Variants in VAPB observed in about 807,000 individuals in gnomAD.
VAPB encodes vesicle-associated membrane protein-associated protein B/C.
A neutral mutation model predicts 25.6 loss-of-function variants in VAPB; 7 were observed. The ratio of observed to expected loss-of-function variants is 0.27; its 90% CI spans 0.16 to 0.51. VAPB has a LOEUF of 0.51. Among genes scored for constraint, VAPB ranks in the 20% least tolerant of loss-of-function variants. The pLI is 0.97. For synonymous variants in VAPB, 112 were observed against 109.2 expected, an observed-to-expected ratio of 1.03 and a Z score of -0.16; for missense variants, 266 against 301.3, an observed-to-expected ratio of 0.88 and a Z score of 0.87.
At chr20:58,404,150 C>G (rs760842241) in intron 1 of VAPB, among the ~76,000 whole-genome samples, 2 of 152,090 alleles carry the variant, frequency 1.3e-5, no homozygotes, top group Non-Finnish European at 2.9e-5. Context: ...AGATATTTTT[C>G]TAAAAATTGA....
At chr20:58,438,830 T>C in intron 3 of VAPB, 115 bp from the exon 4 acceptor site, 1 of 820,690 alleles carries the variant, frequency 1.2e-6, no homozygotes, top group Non-Finnish European at 2.0e-6. Flanking sequence ...CTTTATTTGA[T>C]ATACATCAGG....
Position 58,444,063 on chromosome 20 carries a change from G to C in VAPB, c.574-14G>C. ...GCCTTGGCTTGTCTTTGAAATGTGC[G>C]TTTGCTCCCGTAGGAAGAAGATGGA... is the stretch of plus-strand genomic sequence containing the variant. On this transcript the variant is annotated splice_polypyrimidine_tract_variant and intron_variant, in intron 5 of 5. Coordinates refer to ENST00000475243, the MANE Select transcript of VAPB (RefSeq NM_004738.5). 1 of 1,614,164 alleles carries C rather than the reference G, an allele frequency of 6.2e-7. No individual in the cohort carries two copies. The highest frequency in any genetic ancestry group is 8.5e-7 in the Non-Finnish European group (1 of 1,180,030).
At chr20:58,413,490 C>T (rs1403529108) in intron 1 of VAPB, among the ~76,000 whole-genome samples, 2 of 152,188 alleles carry the variant, frequency 1.3e-5, no homozygotes, top group Non-Finnish European at 2.9e-5. Context: ...AACAGGATCC[C>T]AAGGCAGAAG....
chr20:58,397,144 G>A (rs920742021), intron 1 of VAPB, among the ~76,000 whole-genome samples: 1 of 152,222 alleles, frequency 6.6e-6, no homozygotes, highest in African/African-American at 2.4e-5. Context: ...AGTTCAGACA[G>A]ATGACTCCAA....
Position 58,450,569 on chromosome 20 carries a change from T to C in VAPB, c.*6334T>C. 1 of 454,136 alleles carries C rather than the reference T, an allele frequency of 2.2e-6. No homozygotes were observed. The highest frequency in any genetic ancestry group is 4.4e-6 in the Non-Finnish European group (1 of 226,792). The allele number at this position is 454,136 out of a possible 1,614,324, so 28.1% of individuals were successfully genotyped here. ...ACTTCCTATAAGAAACTAAAAATGA[T>C]CTATTTCAGTGTTCCTTTCGCCTTT... On this transcript the variant is annotated 3_prime_UTR_variant, in exon 6 of 6. Transcript: ENST00000475243.
chr20:58,393,471 A>C (rs1411673552), intron 1 of VAPB, among the ~76,000 whole-genome samples: 1 of 152,124 alleles, frequency 6.6e-6, no homozygotes, highest in African/African-American at 2.4e-5. Context: ...CTGAGATCCC[A>C]CTTGTTGTCC....
Position 58,447,666 on chromosome 20 carries a change from GTGTGCA to G in VAPB, c.*3436_*3441del. On this transcript the variant is annotated 3_prime_UTR_variant, in exon 6 of 6. Transcript: ENST00000475243. Reference sequence around the variant, plus strand: ...AAACAGACTCTGTGTGTGTGTGCATGTGTGCATGTGTGCATGTGTGGCATATGTGCC... The same window carrying G: ...AAACAGACTCTGTGTGTGTGTGCATGTGTGTGCATGTGTGGCATATGTGCC... The G allele has an allele frequency of 4.6e-6, 2 of 431,966 alleles. No homozygotes were observed. Among genetic ancestry groups the G allele is most frequent in the Non-Finnish European group, 9.3e-6 (2 of 214,828 alleles). 26.8% of individuals were successfully genotyped at this position (431,966 alleles called of 1,614,324 possible).
chr20:58,415,084 C>T (rs1036055024), intron 1 of VAPB, among the ~76,000 whole-genome samples: 2 of 150,338 alleles, frequency 1.3e-5, no homozygotes, highest in African/African-American at 4.9e-5. Context: ...CGTGGCGGCG[C>T]GAGCCTGCAA....
chr20:58,422,851 C>G (rs1250921065), intron 2 of VAPB, among the ~76,000 whole-genome samples: 1 of 152,026 alleles, frequency 6.6e-6, no homozygotes, highest in Non-Finnish European at 1.5e-5. Context: ...GCCTGTGTCC[C>G]AAGCAAATTA....
chr20:58,419,794 C>T (rs1425402329), intron 2 of VAPB, among the ~76,000 whole-genome samples: 3 of 152,116 alleles, frequency 2.0e-5, no homozygotes, highest in African/African-American at 7.2e-5. Flanking sequence ...TACTTTCCCC[C>T]CCTCGATTTC....
At chr20:58,413,722 C>G (rs1988441834) in intron 1 of VAPB, among the ~76,000 whole-genome samples, 1 of 151,842 alleles carries the variant, frequency 6.6e-6, no homozygotes. Context: ...GTAGGGGCGG[C>G]CGGGCAGAGG....
chr20:58,410,051 T>TA lies in VAPB; in HGVS notation c.59-8152dup, dbSNP rs774996433. Among the ~76,000 whole-genome samples the TA allele has an allele frequency of 5.8e-3, 882 of 151,966 alleles. 4 individuals carry two copies. Among genetic ancestry groups the TA allele is most frequent in the Middle Eastern group, 0.027 (8 of 294 alleles). ...AAATGCTTTTTCCCCTTCCTTTTTTTAAAAAAAATATAGTTTAGAACAGTT... is the reference window on the plus strand; with the variant it reads ...AAATGCTTTTTCCCCTTCCTTTTTTTAAAAAAAAATATAGTTTAGAACAGTT... On this transcript the variant is annotated intron_variant, in intron 1 of 5. Transcript: ENST00000475243.
At chr20:58,396,294 C>T (rs1178661640) in intron 1 of VAPB, among the ~76,000 whole-genome samples, 1 of 152,190 alleles carries the variant, frequency 6.6e-6, no homozygotes, top group East Asian at 1.9e-4. Flanking sequence ...ATGCCCACCT[C>T]GTGTTGTGTA....
intron 1 of VAPB, among the ~76,000 whole-genome samples, chr20:58,392,181 G>A (rs1031272121): frequency 2.6e-5 from 4 of 152,172 alleles, no homozygotes; most frequent in African/African-American, 4.8e-5. Flanking sequence ...GATGATGCTC[G>A]TGTCCACGTT....
intron 2 of VAPB, among the ~76,000 whole-genome samples, chr20:58,430,612 G>A (rs149270297): frequency 1.1e-4 from 16 of 149,294 alleles, no homozygotes; most frequent in Non-Finnish European, 1.9e-4. Flanking sequence ...TCTCACTCTT[G>A]TCGCCCAGGC....
At chr20:58,434,487 TA>T in intron 2 of VAPB, 114 bp from the exon 3 acceptor site, 1 of 704,864 alleles carries the variant, frequency 1.4e-6, no homozygotes, top group Non-Finnish European at 2.6e-6. Flanking sequence ...GCGTCCATCC[TA>T]AGACATAAGA....
At chr20:58,416,782 G>A (rs976856636) in intron 1 of VAPB, among the ~76,000 whole-genome samples, 11 of 149,148 alleles carry the variant, frequency 7.4e-5, no homozygotes, top group African/African-American at 2.2e-4. Context: ...TTCCATGCCC[G>A]GAGCACCTCA....
intron 1 of VAPB, among the ~76,000 whole-genome samples, chr20:58,402,019 GTCTTC>G (rs1361385910): frequency 6.6e-6 from 1 of 152,118 alleles, no homozygotes; most frequent in Non-Finnish European, 1.5e-5. Context: ...TCTTGTCCGA[GTCTTC>G]TCTTTCTTTC....
At chr20:58,434,475 G>T in intron 2 of VAPB, 127 bp from the exon 3 acceptor site, 1 of 684,900 alleles carries the variant, frequency 1.5e-6, no homozygotes, top group Non-Finnish European at 2.7e-6. Flanking sequence ...ACTTCACCAG[G>T]GGCGTCCATC....
Sources: allele counts gnomAD v4.1 joint callset (sites outside exome capture counted in the v4.1 genomes callset), GRCh38; gene constraint gnomAD v4.1.1; transcripts MANE v1.5; gene names NCBI Gene and HGNC (gene_info 2026-07-23, HGNC 2026-07-21).